Variants in B4GALT1 observed in about 807,000 individuals in gnomAD.
The protein encoded by B4GALT1 is beta-1,4-galactosyltransferase 1.
A neutral mutation model predicts 34.9 loss-of-function variants in B4GALT1; 16 were observed. That is an observed-to-expected ratio of 0.46 (90% CI 0.31 to 0.70). B4GALT1 has a LOEUF of 0.70. B4GALT1 is among the 30% of genes least tolerant of loss of function. The pLI is 0.05. For synonymous variants in B4GALT1, 221 were observed against 218.1 expected, an observed-to-expected ratio of 1.01 and a Z score of -0.12; for missense variants, 445 against 530.5, an observed-to-expected ratio of 0.84 and a Z score of 1.58.
intron 1 of B4GALT1, among the ~76,000 whole-genome samples, chr9:33,148,212 T>G (rs1353441100): frequency 6.6e-6 from 1 of 152,142 alleles, no homozygotes; most frequent in Non-Finnish European, 1.5e-5. Flanking sequence ...GCAATTTACC[T>G]AAGAGGAATC....
intron 1 of B4GALT1, among the ~76,000 whole-genome samples, chr9:33,152,582 GA>G (rs200081489): frequency 2.3e-4 from 34 of 147,762 alleles, no homozygotes; most frequent in African/African-American, 8.4e-4. Flanking sequence ...TTAAAAAAAA[GA>G]AAAAAAAAGT....
chr9:33,115,367 C>A (rs998169261), intron 4 of B4GALT1, among the ~76,000 whole-genome samples: 1 of 152,212 alleles, frequency 6.6e-6, no homozygotes, highest in African/African-American at 2.4e-5. Flanking sequence ...GAAGCCTCTA[C>A]AGCCAGAGGA....
intron 1 of B4GALT1, among the ~76,000 whole-genome samples, chr9:33,147,501 C>T (rs1254835129): frequency 6.6e-6 from 1 of 151,678 alleles, no homozygotes; most frequent in African/African-American, 2.4e-5. Context: ...CCCACCTCGG[C>T]CTCCCAGAAT....
the B4GALT1 span, among the ~76,000 whole-genome samples, chr9:33,174,981 A>T: frequency 7.2e-5 from 3 of 41,442 alleles, no homozygotes; most frequent in Non-Finnish European, 1.6e-4. Context: ...AAAAAAAAAA[A>T]AAAAAAAAAA....
chr9:33,137,954 A>C (rs1840294475), intron 1 of B4GALT1, among the ~76,000 whole-genome samples: 1 of 152,174 alleles, frequency 6.6e-6, no homozygotes, highest in Non-Finnish European at 1.5e-5. Flanking sequence ...GGCTCTTTTC[A>C]CTTCAGAGGG....
chr9:33,106,472 G>T (rs910470825), downstream of B4GALT1, among the ~76,000 whole-genome samples: 4 of 152,244 alleles, frequency 2.6e-5, no homozygotes, highest in Non-Finnish European at 4.4e-5. Flanking sequence ...GGTAGGGGAT[G>T]ATCAGGAAGC....
chr9:33,150,885 TAAAAC>T (rs1341547304), intron 1 of B4GALT1, among the ~76,000 whole-genome samples: 1 of 151,784 alleles, frequency 6.6e-6, no homozygotes, highest in Non-Finnish European at 1.5e-5. Flanking sequence ...GAGGACAAAA[TAAAAC>T]AAATACATGA....
chr9:33,142,852 GA>G (rs200098266), intron 1 of B4GALT1, among the ~76,000 whole-genome samples: 1 of 151,836 alleles, frequency 6.6e-6, no homozygotes, highest in Non-Finnish European at 1.5e-5. Context: ...AGAATTTGCT[GA>G]AAAAAAATAG....
chr9:33,129,305 G>A (rs1446581114), intron 2 of B4GALT1, among the ~76,000 whole-genome samples: 1 of 152,206 alleles, frequency 6.6e-6, no homozygotes, highest in Non-Finnish European at 1.5e-5. Context: ...TAGGTTTTCT[G>A]CATTTTTCCT....
intron 1 of B4GALT1, 62 bp downstream of exon 1, chr9:33,166,696 A>G: frequency 6.9e-7 from 1 of 1,448,080 alleles, no homozygotes; most frequent in Non-Finnish European, 9.1e-7. Flanking sequence ...TGTCTGGGGG[A>G]CCCTGTCGGG....
rs983155566 is a variant in B4GALT1, at chr9:33,110,667, C to T, written c.*2787G>A. 3.3e-5 allele frequency: 5 copies of T among 152,218 alleles called. No homozygotes were observed. The highest frequency in any genetic ancestry group is 9.6e-5 in the African/African-American group (4 of 41,518). 9.4% of individuals were successfully genotyped at this position (152,218 alleles called of 1,614,324 possible). ...TTACAAAGATAGGGTCATTTATTCA[C>T]GTTATATTATTTAATTTTAAAGGCA... On this transcript the variant is annotated 3_prime_UTR_variant, in exon 6 of 6. Coordinates refer to ENST00000379731, the MANE Select transcript of B4GALT1 (RefSeq NM_001497.4).
intron 1 of B4GALT1, among the ~76,000 whole-genome samples, chr9:33,148,597 T>C (rs1242606022): frequency 6.6e-6 from 1 of 152,226 alleles, no homozygotes; most frequent in African/African-American, 2.4e-5. Flanking sequence ...TGAGGTATTA[T>C]TCAGCAGTTA....
In B4GALT1 at chr9:33,113,323, T is replaced by C; in HGVS notation, c.*131A>G. Reference sequence around the variant, plus strand: ...CTCGTCCTGGTCATCTGGAAAGCCATCTGAATGATGAGCGAAGGGGACCTG... The same window carrying C: ...CTCGTCCTGGTCATCTGGAAAGCCACCTGAATGATGAGCGAAGGGGACCTG... On this transcript the variant is annotated 3_prime_UTR_variant, in exon 6 of 6. Transcript: ENST00000379731. The C allele has an allele frequency of 7.2e-7, 1 of 1,388,072 alleles. No individual in the cohort carries two copies. The highest frequency in any genetic ancestry group is 1.7e-5 in the Admixed American group (1 of 58,598). The allele number at this position is 1,388,072 out of a possible 1,614,324, so 86.0% of individuals were successfully genotyped here. A position where few individuals can be genotyped will look rare whatever the true frequency, so the allele number is the denominator to read the frequency against.
downstream of B4GALT1, among the ~76,000 whole-genome samples, chr9:33,107,458 G>A (rs969833490): frequency 2.0e-5 from 3 of 151,898 alleles, no homozygotes; most frequent in African/African-American, 7.3e-5. Flanking sequence ...GGCCTCAGTC[G>A]AGAGCAGCAA....
At chr9:33,156,663 G>A (rs1479670468) in intron 1 of B4GALT1, among the ~76,000 whole-genome samples, 1 of 152,068 alleles carries the variant, frequency 6.6e-6, no homozygotes, top group Non-Finnish European at 1.5e-5. Flanking sequence ...CCCTGTTTCT[G>A]GATCCCATAC....
chr9:33,140,263 G>C (rs1268374931), intron 1 of B4GALT1, among the ~76,000 whole-genome samples: 1 of 152,314 alleles, frequency 6.6e-6, no homozygotes, highest in South Asian at 2.1e-4. Flanking sequence ...CCAGTGGGTC[G>C]AAAGAAGCGT....
At chr9:33,108,303 AAAAC>A (rs899984406), downstream of B4GALT1, among the ~76,000 whole-genome samples, 1 of 152,206 alleles carries the variant, frequency 6.6e-6, no homozygotes, top group Non-Finnish European at 1.5e-5. Context: ...CTGTCTCTAA[AAAAC>A]AAACAAATAA....
chr9:33,151,953 G>A (rs1840522893), intron 1 of B4GALT1, among the ~76,000 whole-genome samples: 1 of 152,110 alleles, frequency 6.6e-6, no homozygotes, highest in African/African-American at 2.4e-5. Flanking sequence ...ATTTTGGGAT[G>A]GTGAAGACCT....
At chr9:33,150,081 G>C (rs1303392906) in intron 1 of B4GALT1, among the ~76,000 whole-genome samples, 1 of 151,040 alleles carries the variant, frequency 6.6e-6, no homozygotes, top group Non-Finnish European at 1.5e-5. Context: ...AAATCACCTT[G>C]TTGTTAGGAA....
Sources: allele counts gnomAD v4.1 joint callset (sites outside exome capture counted in the v4.1 genomes callset), GRCh38; gene constraint gnomAD v4.1.1; transcripts MANE v1.5; gene names NCBI Gene and HGNC (gene_info 2026-07-23, HGNC 2026-07-21).